KAZN: variants seen among roughly 807,000 people sequenced by gnomAD.
The protein encoded by KAZN is kazrin, periplakin interacting protein.
Under a neutral mutation model 87.4 loss-of-function variants are expected in KAZN, and 40 were observed. The observed-to-expected ratio is 0.46, with a 90% CI of 0.36 to 0.60. The LOEUF (loss-of-function observed/expected upper bound fraction) is 0.60, where lower values mean the gene tolerates loss of function less well. Among genes scored for constraint, KAZN ranks in the 20% least tolerant of loss-of-function variants. KAZN has a pLI of 0.00. For missense variants in KAZN, 898 were observed against 1,073.9 expected, an observed-to-expected ratio of 0.84 and a Z score of 2.29; for synonymous variants, 466 against 458.3, an observed-to-expected ratio of 1.02 and a Z score of -0.22.
chr1:14,210,077 A>T (rs1646821885), intron 2 of KAZN, among the ~76,000 whole-genome samples: 1 of 152,126 alleles, frequency 6.6e-6, no homozygotes, highest in Non-Finnish European at 1.5e-5. Context: ...AAGATACTTG[A>T]TATGGTTTGG....
At chr1:14,625,741 G>A (rs1441123904) in intron 1 of KAZN, among the ~76,000 whole-genome samples, 6 of 152,222 alleles carry the variant, frequency 3.9e-5, no homozygotes, top group Non-Finnish European at 8.8e-5. Context: ...CATGAAAGAG[G>A]GCGGGAGGTT....
rs1394996556 is a variant in KAZN at position 14,377,313 on chromosome 1, G to A, written c.249+196721G>A. Among the ~76,000 whole-genome samples, 3 of 152,178 alleles carry A rather than the reference G, an allele frequency of 2.0e-5. No homozygotes were observed. In the East Asian group the frequency reaches 5.8e-4, roughly 29 times the overall value. On this transcript the variant is annotated intron_variant, in intron 2 of 16. Coordinates refer to the KAZN transcript ENST00000636203. Reference sequence around the variant, plus strand: ...TGTCTGTTCCAGAGATGACAAATGTGAAGGTGCCTTGTAGAAATTGGAGGA... The same window carrying A: ...TGTCTGTTCCAGAGATGACAAATGTAAAGGTGCCTTGTAGAAATTGGAGGA...
chr1:14,377,587 C>G (rs548461300), intron 2 of KAZN, among the ~76,000 whole-genome samples: 1 of 152,306 alleles, frequency 6.6e-6, no homozygotes, highest in South Asian at 2.1e-4. Flanking sequence ...GCTGTTGCAG[C>G]TGACATAACA....
At chr1:13,893,592 C>T in exon 1 of KAZN, 10 of 1,517,628 alleles carry the variant, frequency 6.6e-6, no homozygotes, top group Non-Finnish European at 8.9e-6. Context: ...GGGCCAGCGA[C>T]GGCATCCTTT....
At position 15,032,222 on chromosome 1, in the gene KAZN, T is replaced by C. The variant is rs540809878; in HGVS notation, c.419-2527T>C. On this transcript the variant is annotated intron_variant, in intron 2 of 14. Coordinates refer to ENST00000376030, the MANE Select transcript of KAZN (RefSeq NM_201628.3). ...TTTTTTTTTTTTTTGAGACAGAATC[T>C]TGCTTTGTTGCCCAGGCTGGAGTGC... is the stretch of plus-strand genomic sequence containing the variant. Among the ~76,000 whole-genome samples the C allele has an allele frequency of 2.7e-3, 398 of 146,236 alleles. 1 individual carries two copies. The highest frequency in any genetic ancestry group is 8.7e-3 in the African/African-American group (343 of 39,204).
At chr1:14,159,655 C>T (rs950300080) in intron 1 of KAZN, among the ~76,000 whole-genome samples, 3 of 152,188 alleles carry the variant, frequency 2.0e-5, no homozygotes, top group African/African-American at 7.2e-5. Flanking sequence ...GCTTTTTCCT[C>T]TGCTTTTCTC....
At chr1:14,266,656 C>T (rs1026056142) in intron 2 of KAZN, among the ~76,000 whole-genome samples, 4 of 152,162 alleles carry the variant, frequency 2.6e-5, no homozygotes, top group African/African-American at 9.7e-5. Flanking sequence ...ACTCAGCAGG[C>T]GTGAGGTGGG....
intron 12 of KAZN, 115 bp downstream of exon 12, chr1:15,103,575 A>G: frequency 1.4e-6 from 1 of 732,832 alleles, no homozygotes. Flanking sequence ...TCTCATGCAA[A>G]TCAATGGGCA....
intron 2 of KAZN, among the ~76,000 whole-genome samples, chr1:14,430,724 C>A (rs1274120075): frequency 6.6e-6 from 1 of 152,214 alleles, no homozygotes; most frequent in Non-Finnish European, 1.5e-5. Context: ...GCAGGACTCA[C>A]ACCAGGGTGC....
intron 2 of KAZN, among the ~76,000 whole-genome samples, chr1:15,027,664 A>G (rs1422976864): frequency 2.0e-5 from 3 of 152,078 alleles, no homozygotes; most frequent in Non-Finnish European, 4.4e-5. Flanking sequence ...CATTGCATGG[A>G]AAAGAAAGGG....
At chr1:14,106,020 A>G (rs1174183643) in intron 1 of KAZN, among the ~76,000 whole-genome samples, 1 of 152,360 alleles carries the variant, frequency 6.6e-6, no homozygotes, top group Admixed American at 6.5e-5. Flanking sequence ...ACTATGAGGC[A>G]ACATAATATT....
intron 1 of KAZN, among the ~76,000 whole-genome samples, chr1:14,626,456 G>A (rs895249606): frequency 6.6e-5 from 10 of 152,240 alleles, no homozygotes; most frequent in Middle Eastern, 3.4e-3. Flanking sequence ...TACCTATTTC[G>A]CAGATGAGAA....
chr1:14,263,153 A>G (rs1571172995), intron 2 of KAZN, among the ~76,000 whole-genome samples: 1 of 152,232 alleles, frequency 6.6e-6, no homozygotes, highest in African/African-American at 2.4e-5. Context: ...GAAGATGCCT[A>G]GAGCTCAACT....
chr1:14,193,180 A>G (rs919606358), intron 2 of KAZN, among the ~76,000 whole-genome samples: 17 of 152,274 alleles, frequency 1.1e-4, no homozygotes, highest in Non-Finnish European at 5.9e-5. Flanking sequence ...CATGATTGTA[A>G]GTTTCCTGAG....
intron 2 of KAZN, among the ~76,000 whole-genome samples, chr1:14,239,317 G>A (rs758671383): frequency 6.6e-6 from 1 of 152,078 alleles, no homozygotes; most frequent in Non-Finnish European, 1.5e-5. Context: ...GGTTTACGTG[G>A]CATCATTTTC....
rs115367727 is a variant in KAZN at position 14,819,579 on chromosome 1, A to G, written c.227-141105A>G. ...ATCCTACCTGAGTTTCCAGTCTGCC[A>G]AAGTGCCCTACAGATTTCACAGCCG... On this transcript the variant is annotated intron_variant, in intron 1 of 14. Coordinates refer to ENST00000376030, the MANE Select transcript of KAZN (RefSeq NM_201628.3). Among the ~76,000 whole-genome samples, 510 of 152,172 alleles carry G rather than the reference A, an allele frequency of 3.4e-3. 3 individuals carry two copies. The highest frequency in any genetic ancestry group is 0.012 in the African/African-American group (490 of 41,506).
chr1:14,699,563 G>T lies in KAZN; in HGVS notation c.226+100340G>T, dbSNP rs1323347028. ...CATCAAAGAAATAGCAGAGTTATAG[G>T]CTGTAGAAGTTACAACAGTAATAAA... On this transcript the variant is annotated intron_variant, in intron 1 of 14. Coordinates refer to ENST00000376030, the MANE Select transcript of KAZN (RefSeq NM_201628.3). Among the ~76,000 whole-genome samples, 7 of 152,178 alleles carry T rather than the reference G, an allele frequency of 4.6e-5. No individual in the cohort carries two copies. In the East Asian group the frequency reaches 1.3e-3, roughly 29 times the overall value.
rs1645077439 is a variant in KAZN, at chr1:14,773,431, C to T, written c.226+174208C>T. On this transcript the variant is annotated intron_variant, in intron 1 of 14. Transcript: ENST00000376030. This position sits in a 1 kb window ranked among gnomAD's most constrained non-coding sequence, Gnocchi z 5.9. ...CTCCCTTCTTGTAGCATTTTCAACTCTGCCTCAAATCAACTCTGCACTAAG... is the reference window on the plus strand; with the variant it reads ...CTCCCTTCTTGTAGCATTTTCAACTTTGCCTCAAATCAACTCTGCACTAAG... Among the ~76,000 whole-genome samples, 1 of 152,172 alleles carries T rather than the reference C, an allele frequency of 6.6e-6. No homozygotes were observed. The highest frequency in any genetic ancestry group is 1.5e-5 in the Non-Finnish European group (1 of 68,034).
chr1:15,063,439 C>T, intron 6 of KAZN, 133 bp from the exon 7 acceptor site: 1 of 747,516 alleles, frequency 1.3e-6, no homozygotes, highest in Admixed American at 2.0e-5. Context: ...GGGTGGGCTC[C>T]CCACTGCAGA....
Sources: allele counts gnomAD v4.1 joint callset (sites outside exome capture counted in the v4.1 genomes callset), GRCh38; gene constraint gnomAD v4.1.1; non-coding constraint Gnocchi (gnomAD v3.1); transcripts MANE v1.5; gene names NCBI Gene and HGNC (gene_info 2026-07-23, HGNC 2026-07-21).